NDST4: variants seen among roughly 807,000 people sequenced by gnomAD.
The protein encoded by NDST4 is N-deacetylase and N-sulfotransferase 4, also known as N-heparan sulfate sulfotransferase 4.
In NDST4, 63 loss-of-function variants were observed where a neutral mutation model predicts 100.8. The ratio of observed to expected loss-of-function variants is 0.62; its 90% confidence interval spans 0.51 to 0.77. The LOEUF (loss-of-function observed/expected upper bound fraction) is 0.77, where lower values mean the gene tolerates loss of function less well. Ranked by LOEUF, NDST4 falls within the 30% of genes least tolerant of loss-of-function variation. The pLI is 0.00. For missense variants in NDST4, 943 were observed against 1,018.4 expected (o/e 0.93, Z 1.01); for synonymous variants, 377 against 361.8 (o/e 1.04, Z -0.48).
chr4:114,930,023 T>C (rs574201518), intron 6 of NDST4, among the ~76,000 whole-genome samples: 1 of 152,176 alleles, frequency 6.6e-6, no homozygotes, highest in Non-Finnish European at 1.5e-5. Context: ...AAGGGTATGA[T>C]GAAGTGACTC....
chr4:114,984,601 G>A (rs1308548226), intron 2 of NDST4, among the ~76,000 whole-genome samples: 6 of 152,038 alleles, frequency 3.9e-5, no homozygotes, highest in Non-Finnish European at 8.8e-5. Context: ...ATTATGATAT[G>A]GGAATCAGAA....
chr4:115,054,526 A>G (rs956141914), intron 2 of NDST4, among the ~76,000 whole-genome samples: 2 of 152,194 alleles, frequency 1.3e-5, no homozygotes, highest in African/African-American at 4.8e-5. Context: ...TAAATCAAGA[A>G]GAAATATTGT....
intron 2 of NDST4, among the ~76,000 whole-genome samples, chr4:115,061,678 GCTTAAAAC>G (rs1231385836): frequency 1.3e-5 from 2 of 151,914 alleles, no homozygotes; most frequent in African/African-American, 4.8e-5. Flanking sequence ...CGCATGCGGG[GCTTAAAAC>G]CTAGATGACA....
At chr4:114,980,968 T>C (rs1726755936) in intron 2 of NDST4, among the ~76,000 whole-genome samples, 1 of 151,958 alleles carries the variant, frequency 6.6e-6, no homozygotes, top group Non-Finnish European at 1.5e-5. Flanking sequence ...TTACTAGCAC[T>C]TTGGGAAGCT....
intron 4 of NDST4, among the ~76,000 whole-genome samples, chr4:114,949,775 T>G (rs1725948728): frequency 6.6e-6 from 1 of 152,056 alleles, no homozygotes; most frequent in South Asian, 2.1e-4. Flanking sequence ...GCTGAGAAAT[T>G]TATTCTTTTA....
rs190053124 is a variant in NDST4, at chr4:115,091,045, C to T, written c.-246-13763G>A. Among the ~76,000 whole-genome samples the T allele has an allele frequency of 2.8e-4, 42 of 152,088 alleles. No homozygotes were observed. In the East Asian group the frequency reaches 6.6e-3, roughly 24 times the overall value. On this transcript the variant is annotated intron_variant, in intron 1 of 13. Transcript: ENST00000264363. Reference sequence around the variant, plus strand: ...AAAAGAAGAAAAAATAAAACATCACCTCTGTTTAATATTCTGCTAATTTTT... The same window carrying T: ...AAAAGAAGAAAAAATAAAACATCACTTCTGTTTAATATTCTGCTAATTTTT...
intron 6 of NDST4, among the ~76,000 whole-genome samples, chr4:114,892,177 C>T (rs11938645): frequency 0.22 from 33,932 of 151,940 alleles, 5,380 homozygotes; most frequent in African/African-American, 0.45. Flanking sequence ...TTTACCTATC[C>T]TTATAAATTC....
chr4:115,007,436 G>A (rs1727443883), intron 2 of NDST4, among the ~76,000 whole-genome samples: 1 of 152,168 alleles, frequency 6.6e-6, no homozygotes, highest in Non-Finnish European at 1.5e-5. Flanking sequence ...AGTGAGAAGC[G>A]AATGTAGACA....
At chr4:115,086,867 T>C (rs567220209) in intron 1 of NDST4, among the ~76,000 whole-genome samples, 61 of 152,060 alleles carry the variant, frequency 4.0e-4, no homozygotes, top group Admixed American at 8.5e-4. Context: ...ATTTTGCAAA[T>C]AAAGAAACTT....
chr4:115,048,618 T>A (rs1487236509), intron 2 of NDST4, among the ~76,000 whole-genome samples: 1 of 150,840 alleles, frequency 6.6e-6, no homozygotes, highest in Admixed American at 6.6e-5. Flanking sequence ...GCAGCAAAAA[T>A]TTTGATTTGC....
rs532872167 is a variant in NDST4 at position 115,020,394 on chromosome 4, C to CTAGG, written c.979-43124_979-43121dup. On this transcript the variant is annotated intron_variant, in intron 2 of 13. Coordinates refer to ENST00000264363, the MANE Select transcript of NDST4 (RefSeq NM_022569.3). The stretch of plus-strand genomic sequence containing the variant: ...AAAGGCAGAATTTAAGAGTGATGAA[C>CTAGG]TAGGATATCTGGTGGAAGAAATTTC... 1.1e-3 allele frequency among the ~76,000 whole-genome samples: 172 copies of CTAGG among 152,150 alleles called. 1 individual carries two copies. The highest frequency in any genetic ancestry group is 3.4e-3 in the Middle Eastern group (1 of 294).
intron 6 of NDST4, among the ~76,000 whole-genome samples, chr4:114,890,035 T>C (rs2126205666): frequency 6.6e-6 from 1 of 152,310 alleles, no homozygotes; most frequent in Non-Finnish European, 1.5e-5. Flanking sequence ...CAATGCTTTA[T>C]ATCACTCCAA....
intron 6 of NDST4, among the ~76,000 whole-genome samples, chr4:114,928,554 T>C (rs951794843): frequency 2.0e-5 from 3 of 152,146 alleles, no homozygotes; most frequent in African/African-American, 7.2e-5. Flanking sequence ...GGTATGATGG[T>C]TAATCTTATG....
intron 6 of NDST4, among the ~76,000 whole-genome samples, chr4:114,890,554 C>T (rs1232158040): frequency 2.0e-5 from 3 of 152,026 alleles, no homozygotes; most frequent in East Asian, 3.9e-4. Flanking sequence ...TTTCCTTCCA[C>T]AGAAGTAACA....
At chr4:114,951,274 T>A (rs181507410) in intron 4 of NDST4, among the ~76,000 whole-genome samples, 1 of 152,198 alleles carries the variant, frequency 6.6e-6, no homozygotes. Context: ...TTTCTTGGAA[T>A]GTTTGTTAAA....
intron 2 of NDST4, among the ~76,000 whole-genome samples, chr4:114,979,232 T>C (rs781116013): frequency 6.6e-6 from 1 of 151,880 alleles, no homozygotes; most frequent in Non-Finnish European, 1.5e-5. Flanking sequence ...ACTTTTTGTA[T>C]AAAGCCTCCT....
chr4:114,964,341 AGAAATCCT>A (rs1726333516), intron 4 of NDST4, among the ~76,000 whole-genome samples: 1 of 152,216 alleles, frequency 6.6e-6, no homozygotes, highest in Non-Finnish European at 1.5e-5. Context: ...GACATCTGTG[AGAAATCCT>A]GAACTGCAGG....
chr4:115,005,828 T>A (rs1290710160), intron 2 of NDST4, among the ~76,000 whole-genome samples: 1 of 150,244 alleles, frequency 6.7e-6, no homozygotes, highest in Non-Finnish European at 1.5e-5. Context: ...AGGTCAGGAG[T>A]TCGAAACCAG....
intron 1 of NDST4, among the ~76,000 whole-genome samples, chr4:115,078,076 A>C (rs556522003): frequency 6.6e-6 from 1 of 152,218 alleles, no homozygotes; most frequent in Non-Finnish European, 1.5e-5. Context: ...TAGTTCAAAA[A>C]AAATGAATGT....
Sources: allele counts gnomAD v4.1 joint callset (sites outside exome capture counted in the v4.1 genomes callset), GRCh38; gene constraint gnomAD v4.1.1; transcripts MANE v1.5; gene names NCBI Gene and HGNC (gene_info 2026-07-23, HGNC 2026-07-21).